PRDM6: variants seen among roughly 807,000 people sequenced by gnomAD.
The protein encoded by PRDM6 is putative histone-lysine N-methyltransferase PRDM6.
A neutral mutation model predicts 60.8 loss-of-function variants in PRDM6; 25 were observed. The observed-to-expected ratio is 0.41, with a 90% CI of 0.30 to 0.57. The LOEUF is 0.57. Ranked by LOEUF, PRDM6 falls within the 20% of genes least tolerant of loss-of-function variation. The pLI is 0.27. For missense variants in PRDM6, 839 were observed against 821.3 expected (o/e 1.02, Z -0.26); for synonymous variants, 407 against 357.4 (o/e 1.14, Z -1.57).
intron 3 of PRDM6, among the ~76,000 whole-genome samples, chr5:123,101,683 G>A (rs1425391066): frequency 1.3e-5 from 2 of 152,070 alleles, no homozygotes; most frequent in African/African-American, 2.4e-5. Flanking sequence ...GAGTGCCAGG[G>A]GACAAAGACA....
At chr5:123,089,883 C>A in intron 1 of PRDM6, 117 bp from the exon 2 acceptor site, 1 of 728,270 alleles carries the variant, frequency 1.4e-6, no homozygotes, top group Non-Finnish European at 2.2e-6. Context: ...GCCGCGGAAC[C>A]GGGCGGCCGC....
At chr5:123,130,651 G>A (rs970263873) in intron 3 of PRDM6, among the ~76,000 whole-genome samples, 20 of 150,860 alleles carry the variant, frequency 1.3e-4, no homozygotes, top group Non-Finnish European at 2.7e-4. Context: ...TGCAACCTCC[G>A]CCTCCTGGGT....
At chr5:123,102,272 T>C (rs1013916428) in intron 3 of PRDM6, among the ~76,000 whole-genome samples, 6 of 152,124 alleles carry the variant, frequency 3.9e-5, no homozygotes, top group African/African-American at 1.4e-4. Context: ...ATAAAATAGG[T>C]TTCAGATTTT....
chr5:123,099,623 C>T lies in PRDM6; in HGVS notation c.593-31C>T, dbSNP rs1287215372. ...CTCGGGGCGGCCGGATTAACCCGCT[C>T]CCTTCCCTTCCTCCTTCTTGTCTCC... On this transcript the variant is annotated intron_variant, in intron 2 of 7. Coordinates refer to ENST00000407847, the MANE Select transcript of PRDM6 (RefSeq NM_001136239.4). This position sits in a 1 kb window ranked among gnomAD's most constrained non-coding sequence, Gnocchi z 4.0. 2 of 1,436,722 alleles carry T rather than the reference C, an allele frequency of 1.4e-6. No homozygotes were observed. The highest frequency in any genetic ancestry group is 3.1e-5 in the South Asian group (2 of 65,006). 89.0% of individuals were successfully genotyped at this position (1,436,722 alleles called of 1,614,324 possible).
intron 3 of PRDM6, among the ~76,000 whole-genome samples, chr5:123,153,488 G>C (rs1225444621): frequency 2.0e-5 from 3 of 152,164 alleles, no homozygotes; most frequent in Non-Finnish European, 1.5e-5. Context: ...GGTTTAAGTA[G>C]GTGCATGGGA....
intron 3 of PRDM6, among the ~76,000 whole-genome samples, chr5:123,123,840 A>G (rs939836045): frequency 9.9e-5 from 15 of 152,230 alleles, no homozygotes; most frequent in African/African-American, 2.4e-4. Context: ...TGAGAGTTCT[A>G]TGGGCTCTCG....
At chr5:123,181,867 G>T (rs1167144909) in intron 7 of PRDM6, among the ~76,000 whole-genome samples, 1 of 152,198 alleles carries the variant, frequency 6.6e-6, no homozygotes, top group African/African-American at 2.4e-5. Flanking sequence ...CTGTCTGCCA[G>T]TGAAGGGAGA....
chr5:123,091,242 G>A (rs564748134), intron 2 of PRDM6, among the ~76,000 whole-genome samples: 41 of 151,864 alleles, frequency 2.7e-4, no homozygotes, highest in Non-Finnish European at 5.4e-4. Context: ...TTAAAAAGAA[G>A]GAAAAGAAAA....
chr5:123,151,601 A>G (rs565151746), intron 3 of PRDM6, among the ~76,000 whole-genome samples: 1 of 152,210 alleles, frequency 6.6e-6, no homozygotes, highest in East Asian at 1.9e-4. Context: ...GTATAAATGG[A>G]TGGGGTTGGA....
intron 3 of PRDM6, among the ~76,000 whole-genome samples, chr5:123,147,546 G>A (rs1765274390): frequency 6.6e-6 from 1 of 152,214 alleles, no homozygotes; most frequent in Non-Finnish European, 1.5e-5. Flanking sequence ...ACAGCTGGAT[G>A]CAGAAATATT....
chr5:123,184,558 C>T (rs1049012941), intron 7 of PRDM6, among the ~76,000 whole-genome samples: 13 of 152,106 alleles, frequency 8.5e-5, no homozygotes, highest in Admixed American at 2.6e-4. Context: ...TTACACTGCA[C>T]GAAGTCCAGG....
At position 123,090,189 on chromosome 5, in the gene PRDM6, C is replaced by A; in HGVS notation, c.175C>A (p.Pro59Thr). The A allele has an allele frequency of 2.0e-6, 3 of 1,488,110 alleles. No individual in the cohort carries two copies. The highest frequency in any genetic ancestry group is 1.3e-5 in the South Asian group (1 of 77,442). The allele number at this position is 1,488,110 out of a possible 1,614,324, so 92.2% of individuals were successfully genotyped here. The change falls in exon 2 of 8, where the codon CCG becomes ACG. Residue 59 changes from proline to threonine, a missense_variant. Around this residue, in one of 2 missense-constraint regions of PRDM6, gnomAD observed 730 missense variants for 648.8 expected, o/e 1.13. Transcript: ENST00000407847. ...TCAGCCGCCGCCGCCGCCCCCGCCC[C>A]CGGAGCGCGCTGAGCCTCCGCCGGA... ...PLQPPPPPPPPERAEPPPDSL... is the reference protein window; with the variant it reads ...PLQPPPPPPPTERAEPPPDSL...
intron 5 of PRDM6, among the ~76,000 whole-genome samples, chr5:123,168,730 T>G (rs549672026): frequency 6.6e-6 from 1 of 152,370 alleles, no homozygotes; most frequent in Admixed American, 6.5e-5. Flanking sequence ...GCAAGTCTCT[T>G]GCTTTACTTT....
At chr5:123,125,516 G>T (rs1339683952) in intron 3 of PRDM6, among the ~76,000 whole-genome samples, 2 of 152,170 alleles carry the variant, frequency 1.3e-5, no homozygotes, top group Non-Finnish European at 2.9e-5. Flanking sequence ...GAAATATACA[G>T]TGAGCCATTT....
In PRDM6 at chr5:123,190,564, G is replaced by A. The variant is rs931181778; in HGVS notation, c.*3363G>A. 7 of 152,048 alleles carry A rather than the reference G, an allele frequency of 4.6e-5. No individual in the cohort carries two copies. The highest frequency in any genetic ancestry group is 1.4e-4 in the African/African-American group (6 of 41,408). The allele number at this position is 152,048 out of a possible 1,614,324, so 9.4% of individuals were successfully genotyped here. ...TTTTTATTGTGTTCATTTAAATGTA[G>A]CCTTCTTGGGAAACTATGTATAACA... On this transcript the variant is annotated 3_prime_UTR_variant, in exon 8 of 8. Transcript: ENST00000407847.
chr5:123,168,051 A>G (rs1765797804), intron 5 of PRDM6, among the ~76,000 whole-genome samples: 1 of 152,230 alleles, frequency 6.6e-6, no homozygotes, highest in South Asian at 2.1e-4. Flanking sequence ...AAAAAATGCC[A>G]GAGCATGGCA....
At chr5:123,127,690 T>G (rs1477061388) in intron 3 of PRDM6, among the ~76,000 whole-genome samples, 1 of 151,306 alleles carries the variant, frequency 6.6e-6, no homozygotes, top group African/African-American at 2.4e-5. Flanking sequence ...TTTCTTTCTT[T>G]TCTTTCTCTT....
rs764215423 is a variant in PRDM6 at position 123,099,677 on chromosome 5, C to G, written c.616C>G (p.Arg206Gly). The G allele has an allele frequency of 2.0e-6, 3 of 1,474,614 alleles. No individual in the cohort carries two copies. The highest frequency in any genetic ancestry group is 9.0e-7 in the Non-Finnish European group (1 of 1,109,708). The allele number at this position is 1,474,614 out of a possible 1,614,324, so 91.3% of individuals were successfully genotyped here. A position where few individuals can be genotyped will look rare whatever the true frequency, so the allele number is the denominator to read the frequency against. The change falls in exon 3 of 8, where the codon CGC becomes GGC. Residue 206 changes from arginine (R) to glycine (G), a missense_variant. Physicochemically the swap from Arg to Gly is moderately radical, Grantham distance 125. Around this residue, in one of 2 missense-constraint regions of PRDM6, gnomAD observed 730 missense variants for 648.8 expected, o/e 1.13. Transcript: ENST00000407847. The surrounding 1 kb of genome is among the most constrained non-coding windows in gnomAD (Gnocchi z 4.0). Reference protein sequence around the residue: ...NNRCDMCADNRNGECPMHGPL... With the variant: ...NNRCDMCADNGNGECPMHGPL... The stretch of plus-strand genomic sequence containing the variant: ...AGGTTGCGACATGTGCGCGGACAAC[C>G]GCAACGGCGAGTGCCCTATGCATGG...
intron 3 of PRDM6, among the ~76,000 whole-genome samples, chr5:123,114,084 G>A (rs1053161334): frequency 6.6e-6 from 1 of 152,166 alleles, no homozygotes; most frequent in African/African-American, 2.4e-5. Flanking sequence ...AGGAGGCAGA[G>A]GTGACTTCCC....
Sources: gnomAD v4.1 joint callset for allele counts (sites outside exome capture counted in the v4.1 genomes callset) on GRCh38, gnomAD v4.1.1 for gene constraint, gnomAD v4.1.1 regional missense constraint, Gnocchi (gnomAD v3.1) non-coding constraint, MANE v1.5 for transcripts, NCBI Gene and HGNC (gene_info 2026-07-23, HGNC 2026-07-21) for gene names.